Variants in EPB41L5 observed in about 807,000 individuals in gnomAD.
EPB41L5 encodes erythrocyte membrane protein band 4.1 like 5, also known as band 4.1-like protein 5.
EPB41L5 carries 55 observed loss-of-function variants against 106.6 expected under a neutral mutation model. The ratio of observed to expected loss-of-function variants is 0.52; its 90% CI spans 0.42 to 0.65. The LOEUF is 0.65. Ranked by LOEUF, EPB41L5 falls within the 30% of genes least tolerant of loss-of-function variation. The pLI is 0.00. For missense variants in EPB41L5, 871 were observed against 882.1 expected, an observed-to-expected ratio of 0.99 and a Z score of 0.16; for synonymous variants, 297 against 306.7, an observed-to-expected ratio of 0.97 and a Z score of 0.33.
intron 20 of EPB41L5, among the ~76,000 whole-genome samples, chr2:120,155,843 G>C (rs1686877587): frequency 6.6e-6 from 1 of 151,832 alleles, no homozygotes; most frequent in Admixed American, 6.6e-5. Flanking sequence ...AGCCTCCATG[G>C]GGCTTCCACA....
chr2:120,038,548 A>G (rs541447976), intron 2 of EPB41L5, among the ~76,000 whole-genome samples: 28 of 152,078 alleles, frequency 1.8e-4, no homozygotes, highest in Non-Finnish European at 4.0e-4. Flanking sequence ...CTTGAGGCCA[A>G]GAGTTCAAGA....
chr2:120,108,188 T>C (rs1222880837), intron 16 of EPB41L5: 3 of 152,146 alleles, frequency 2.0e-5, no homozygotes, highest in Non-Finnish European at 2.9e-5. Context: ...GTGAACATTT[T>C]ACATTTTGTT....
intron 18 of EPB41L5, among the ~76,000 whole-genome samples, chr2:120,136,408 A>G (rs1398512320): frequency 6.6e-6 from 1 of 151,604 alleles, no homozygotes; most frequent in Non-Finnish European, 1.5e-5. Flanking sequence ...TTACTTATCA[A>G]TAATAATATT....
chr2:120,105,085 C>A (rs966186153), intron 16 of EPB41L5: 6 of 979,852 alleles, frequency 6.1e-6, no homozygotes, highest in Non-Finnish European at 7.3e-6. Context: ...TCCTGTATAA[C>A]CTTTAAAATA....
At chr2:120,075,366 T>C (rs1279226676) in intron 5 of EPB41L5, 110 bp from the exon 6 acceptor site, 1 of 793,212 alleles carries the variant, frequency 1.3e-6, no homozygotes, top group Non-Finnish European at 2.1e-6. Flanking sequence ...TTTTATACAT[T>C]AATACAAGTA....
chr2:120,013,495 G>T (rs907435873), intron 1 of EPB41L5: 1 of 152,108 alleles, frequency 6.6e-6, no homozygotes, highest in African/African-American at 2.4e-5. Flanking sequence ...GTTAATGTTT[G>T]CCGAGCGGAC....
intron 24 of EPB41L5, among the ~76,000 whole-genome samples, chr2:120,174,075 C>T (rs1687823048): frequency 6.6e-6 from 1 of 152,170 alleles, no homozygotes; most frequent in Admixed American, 6.5e-5. Flanking sequence ...AGCCCTCATG[C>T]AGAGCCCATG....
chr2:120,179,064 C>T lies in EPB41L5; in HGVS notation c.*4157C>T, dbSNP rs1279955604. On this transcript the variant is annotated 3_prime_UTR_variant, in exon 25 of 25. Coordinates refer to ENST00000263713, the MANE Select transcript of EPB41L5 (RefSeq NM_020909.4). ...AACACTGCACTGAGTTGTTTGTACACTGAAATGAGAACTCTAGATGTAACT... is the reference window on the plus strand; with the variant it reads ...AACACTGCACTGAGTTGTTTGTACATTGAAATGAGAACTCTAGATGTAACT... 1 of 152,178 alleles carries T rather than the reference C, an allele frequency of 6.6e-6. No individual in the cohort carries two copies. Among genetic ancestry groups the T allele is most frequent in the Non-Finnish European group, 1.5e-5 (1 of 68,028 alleles). 9.4% of individuals were successfully genotyped at this position (152,178 alleles called of 1,614,324 possible).
intron 20 of EPB41L5, among the ~76,000 whole-genome samples, chr2:120,157,797 A>C (rs1298598826): frequency 2.0e-4 from 30 of 151,852 alleles, no homozygotes; most frequent in Admixed American, 1.6e-3. Flanking sequence ...ATCCAAAAAA[A>C]CCACAAAAGA....
At chr2:120,062,610 T>C (rs1019061708) in intron 3 of EPB41L5, among the ~76,000 whole-genome samples, 4 of 152,190 alleles carry the variant, frequency 2.6e-5, no homozygotes, top group African/African-American at 9.6e-5. Flanking sequence ...TTTATCTAGA[T>C]AGTGTTGTTT....
At chr2:120,096,309 C>T (rs1370516896) in intron 14 of EPB41L5, among the ~76,000 whole-genome samples, 2 of 151,990 alleles carry the variant, frequency 1.3e-5, no homozygotes, top group East Asian at 3.9e-4. Flanking sequence ...AAGGACTCCC[C>T]TCAAGTTTCT....
chr2:120,058,017 A>G (rs377461064), intron 3 of EPB41L5, among the ~76,000 whole-genome samples: 2 of 152,182 alleles, frequency 1.3e-5, no homozygotes, highest in East Asian at 3.8e-4. Context: ...TCTTAAAATC[A>G]CATGTTTACA....
intron 20 of EPB41L5, among the ~76,000 whole-genome samples, chr2:120,153,444 G>T (rs7584209): frequency 0.64 from 96,669 of 151,896 alleles, 32,095 homozygotes; most frequent in Middle Eastern, 0.74. Flanking sequence ...TTGAGAAGAA[G>T]GTACATGTAC....
chr2:120,061,467 C>G (rs1282480555), intron 3 of EPB41L5, among the ~76,000 whole-genome samples: 2 of 151,910 alleles, frequency 1.3e-5, no homozygotes, highest in African/African-American at 2.4e-5. Context: ...TCGTGATCCG[C>G]CCGCCTCGGC....
chr2:120,126,360 A>T (rs1685460118), intron 16 of EPB41L5, among the ~76,000 whole-genome samples: 1 of 152,130 alleles, frequency 6.6e-6, no homozygotes, highest in African/African-American at 2.4e-5. Flanking sequence ...TGTCATATCT[A>T]AGAATACTTT....
chr2:120,124,102 C>T (rs1005793947), intron 16 of EPB41L5, among the ~76,000 whole-genome samples: 1 of 152,212 alleles, frequency 6.6e-6, no homozygotes, highest in African/African-American at 2.4e-5. Flanking sequence ...CAAATGCTTG[C>T]TCTTTCGTGC....
At chr2:120,060,635 A>G (rs1680971572) in intron 3 of EPB41L5, among the ~76,000 whole-genome samples, 1 of 152,210 alleles carries the variant, frequency 6.6e-6, no homozygotes, top group East Asian at 1.9e-4. Context: ...AGTGGTGACT[A>G]TAAATGAGTA....
At chr2:120,078,091 C>T (rs1682382517) in intron 9 of EPB41L5, among the ~76,000 whole-genome samples, 1 of 152,126 alleles carries the variant, frequency 6.6e-6, no homozygotes, top group Non-Finnish European at 1.5e-5. Flanking sequence ...CCACCAGGCC[C>T]CTCCTCCAAT....
intron 16 of EPB41L5, among the ~76,000 whole-genome samples, chr2:120,124,536 C>CT (rs1177631627): frequency 6.6e-6 from 1 of 152,128 alleles, no homozygotes; most frequent in Non-Finnish European, 1.5e-5. Context: ...CATGACGTTA[C>CT]TTCATTCCTA....
Sources: gnomAD v4.1 joint callset for allele counts (sites outside exome capture counted in the v4.1 genomes callset) on GRCh38, gnomAD v4.1.1 for gene constraint, MANE v1.5 for transcripts, NCBI Gene and HGNC (gene_info 2026-07-23, HGNC 2026-07-21) for gene names.